LPP: variants seen among roughly 807,000 people sequenced by gnomAD.
LPP encodes lipoma-preferred partner.
A neutral mutation model predicts 60.4 loss-of-function variants in LPP; 38 were observed. The observed-to-expected ratio is 0.63, with a 90% CI of 0.49 to 0.83. The LOEUF is 0.83. Among genes scored for constraint, LPP ranks in the 40% least tolerant of loss-of-function variants. The pLI is 0.00. For synonymous variants in LPP, 328 were observed against 290.8 expected, an observed-to-expected ratio of 1.13 and a Z score of -1.30; for missense variants, 902 against 783.6, an observed-to-expected ratio of 1.15 and a Z score of -1.80.
intron 5 of LPP, among the ~76,000 whole-genome samples, chr3:188,493,852 T>G (rs1311777902): frequency 6.6e-6 from 1 of 152,212 alleles, no homozygotes; most frequent in African/African-American, 2.4e-5. Flanking sequence ...ATTCTTCATA[T>G]TAGTTTTCTT....
intron 9 of LPP, among the ~76,000 whole-genome samples, chr3:188,773,022 C>T (rs1188792404): frequency 6.6e-6 from 1 of 152,060 alleles, no homozygotes; most frequent in African/African-American, 2.4e-5. Flanking sequence ...GAGAGTGAAG[C>T]CAGCTGTCTA....
At chr3:188,390,291 T>G (rs114685114) in intron 3 of LPP, among the ~76,000 whole-genome samples, 1 of 152,188 alleles carries the variant, frequency 6.6e-6, no homozygotes. Context: ...CATTTCTTCC[T>G]CTAGATCACA....
intron 1 of LPP, among the ~76,000 whole-genome samples, chr3:188,184,846 T>A (rs185079207): frequency 6.6e-6 from 1 of 152,178 alleles, no homozygotes; most frequent in Non-Finnish European, 1.5e-5. Flanking sequence ...GGGCAGGGCC[T>A]ACCAGGAAGG....
intron 6 of LPP, among the ~76,000 whole-genome samples, chr3:188,541,474 C>T (rs899477959): frequency 6.6e-6 from 1 of 151,474 alleles, no homozygotes; most frequent in Non-Finnish European, 1.5e-5. Flanking sequence ...TGTCTTTTTT[C>T]TAGAGGAGGA....
intron 1 of LPP, among the ~76,000 whole-genome samples, chr3:188,205,639 C>T (rs547898613): frequency 6.6e-6 from 1 of 152,228 alleles, no homozygotes; most frequent in Admixed American, 6.5e-5. Flanking sequence ...CTTGCTGCAC[C>T]CCATCTACGC....
At chr3:188,731,467 A>C (rs951510349) in intron 8 of LPP, among the ~76,000 whole-genome samples, 4 of 142,572 alleles carry the variant, frequency 2.8e-5, no homozygotes, top group Admixed American at 2.8e-4. Context: ...CTGAGCTATA[A>C]TTTTCCTTGG....
rs1206082559 is a variant in LPP at position 188,785,547 on chromosome 3, T to TATATATATATATATATATATACAC, written c.1410+25266_1410+25267insTATATATATATATATATATACACA. Among the ~76,000 whole-genome samples the TATATATATATATATATATATACAC allele has an allele frequency of 9.1e-5, 4 of 43,838 alleles. 1 individual carries two copies. The highest frequency in any genetic ancestry group is 2.8e-4 in the African/African-American group (3 of 10,614). The allele number at this position is 43,838 out of a possible 152,430, so 28.8% of individuals were successfully genotyped here. On this transcript the variant is annotated intron_variant, in intron 9 of 11. Transcript: ENST00000617246. ...ATATATATTCCATCATATATATATA[T>TATATATATATATATATATATACAC]ACACACACACACACACACACACACA...
At chr3:188,406,480 C>T (rs1456220515) in intron 4 of LPP, among the ~76,000 whole-genome samples, 167 bp downstream of exon 4, 1 of 152,196 alleles carries the variant, frequency 6.6e-6, no homozygotes, top group Non-Finnish European at 1.5e-5. Flanking sequence ...TAGACCAACC[C>T]CGTCTTTTAG....
intron 8 of LPP, among the ~76,000 whole-genome samples, chr3:188,731,228 G>T (rs1720354118): frequency 6.6e-6 from 1 of 152,116 alleles, no homozygotes; most frequent in South Asian, 2.1e-4. Flanking sequence ...ACCTAAATAA[G>T]TCTATTTTTT....
Position 188,424,425 on chromosome 3 carries a change from T to C in LPP, c.193+18112T>C, listed in dbSNP as rs73050789. On this transcript the variant is annotated intron_variant, in intron 4 of 11. Coordinates refer to ENST00000617246, the MANE Select transcript of LPP (RefSeq NM_001375462.1). ...CTTTGTTCTTTTTGCTTAGGATTGT[T>C]GGGTCTATATGGGCTTTTTTTTGGT... Among the ~76,000 whole-genome samples the C allele has an allele frequency of 8.9e-3, 1,349 of 152,052 alleles. 19 individuals carry two copies. The highest frequency in any genetic ancestry group is 0.031 in the African/African-American group (1,302 of 41,436).
chr3:188,844,259 G>C (rs1201265710), intron 9 of LPP, among the ~76,000 whole-genome samples: 2 of 152,180 alleles, frequency 1.3e-5, no homozygotes, highest in Non-Finnish European at 2.9e-5. Flanking sequence ...CAGAGATAGT[G>C]AAAGTGCTGG....
rs868065278 is a variant in LPP at position 188,770,328 on chromosome 3, G to A, written c.1410+10046G>A. Among the ~76,000 whole-genome samples, 18 of 145,308 alleles carry A rather than the reference G, an allele frequency of 1.2e-4. 1 individual carries two copies. The highest frequency in any genetic ancestry group is 2.8e-4 in the Admixed American group (4 of 14,334). ...CGAGTAGTTGGGACTACAAGCACCC[G>A]CCACCACGCCCAGCTATTTTTTTTT... On this transcript the variant is annotated intron_variant, in intron 9 of 11. Transcript: ENST00000617246.
chr3:188,477,073 C>G (rs1347518694), intron 4 of LPP, among the ~76,000 whole-genome samples: 1 of 152,210 alleles, frequency 6.6e-6, no homozygotes, highest in Non-Finnish European at 1.5e-5. Flanking sequence ...ATCCCACTGA[C>G]ATAGTGCAGA....
chr3:188,313,018 A>G (rs1753925779), intron 2 of LPP: 1 of 152,116 alleles, frequency 6.6e-6, no homozygotes, highest in Non-Finnish European at 1.5e-5. Context: ...TAGCATTAGG[A>G]GATATACCTA....
At chr3:188,228,964 C>T (rs1718850386) in intron 2 of LPP, among the ~76,000 whole-genome samples, 1 of 152,116 alleles carries the variant, frequency 6.6e-6, no homozygotes, top group Admixed American at 6.5e-5. Flanking sequence ...AAGAAAAAGA[C>T]AATGTAAGTT....
At chr3:188,711,347 T>C (rs907089670) in intron 8 of LPP, 1 of 152,228 alleles carries the variant, frequency 6.6e-6, no homozygotes, top group Admixed American at 6.5e-5. Flanking sequence ...GATACTATTA[T>C]CATTTTCAGA....
chr3:188,165,523 G>T (rs1410876808), intron 1 of LPP, among the ~76,000 whole-genome samples: 4 of 152,136 alleles, frequency 2.6e-5, no homozygotes, highest in Non-Finnish European at 5.9e-5. Context: ...TGTGGAGATG[G>T]GTTAGGGTCT....
chr3:188,766,001 G>C (rs1395632197), intron 9 of LPP, among the ~76,000 whole-genome samples: 1 of 150,640 alleles, frequency 6.6e-6, no homozygotes, highest in Non-Finnish European at 1.5e-5. Context: ...CTCCTGAGTA[G>C]CTGGGATTAC....
intron 1 of LPP, among the ~76,000 whole-genome samples, chr3:188,216,929 C>T (rs1260517973): frequency 1.3e-5 from 2 of 152,214 alleles, no homozygotes; most frequent in Non-Finnish European, 2.9e-5. Flanking sequence ...TTCTTCCATC[C>T]GTGGCATGTA....
Sources: gnomAD v4.1 joint callset for allele counts (sites outside exome capture counted in the v4.1 genomes callset) on GRCh38, gnomAD v4.1.1 for gene constraint, MANE v1.5 for transcripts, NCBI Gene and HGNC (gene_info 2026-07-23, HGNC 2026-07-21) for gene names.